Variants in MRPL1 observed in about 807,000 individuals in gnomAD.
MRPL1 encodes large ribosomal subunit protein uL1m.
In MRPL1, 28 loss-of-function variants were observed where a neutral mutation model predicts 38.0. The observed-to-expected ratio is 0.74, with a 90% CI of 0.55 to 1.01. The LOEUF is 1.01. Among genes scored for constraint, MRPL1 ranks in the 50% least tolerant of loss-of-function variants. MRPL1 has a pLI of 0.00. For missense variants in MRPL1, 358 were observed against 389.8 expected, an observed-to-expected ratio of 0.92 and a Z score of 0.69; for synonymous variants, 123 against 126.7, an observed-to-expected ratio of 0.97 and a Z score of 0.20.
chr4:77,948,774 T>G (rs577541176), intron 7 of MRPL1, among the ~76,000 whole-genome samples: 1 of 150,044 alleles, frequency 6.7e-6, no homozygotes, highest in Non-Finnish European at 1.5e-5. Flanking sequence ...TCTTCTTCTT[T>G]TTTTTTTTTT....
intron 7 of MRPL1, among the ~76,000 whole-genome samples, chr4:77,937,988 TA>T (rs961820933): frequency 5.9e-5 from 9 of 152,092 alleles, no homozygotes; most frequent in Admixed American, 5.9e-4. Flanking sequence ...AAGCTTTCTT[TA>T]AAAAAACAAA....
chr4:77,871,980 C>A, intron 2 of MRPL1, 125 bp downstream of exon 2: 1 of 660,930 alleles, frequency 1.5e-6, no homozygotes, highest in Non-Finnish European at 2.6e-6. Context: ...TCTGCTTCAT[C>A]GACCTTATAG....
chr4:77,945,474 G>A (rs1215299511), intron 7 of MRPL1, among the ~76,000 whole-genome samples: 1 of 151,374 alleles, frequency 6.6e-6, no homozygotes, highest in Non-Finnish European at 1.5e-5. Context: ...AGGAACATGT[G>A]ATTGTTTAAA....
chr4:77,933,656 A>G (rs1034682681), intron 7 of MRPL1, among the ~76,000 whole-genome samples: 1 of 152,234 alleles, frequency 6.6e-6, no homozygotes, highest in Non-Finnish European at 1.5e-5. Context: ...CAAAAGATCT[A>G]ACTTTCACAT....
At chr4:77,923,851 T>C (rs970718795) in intron 7 of MRPL1, among the ~76,000 whole-genome samples, 1 of 152,028 alleles carries the variant, frequency 6.6e-6, no homozygotes, top group Non-Finnish European at 1.5e-5. Context: ...GCAGGAGAAC[T>C]GCTTGAACCT....
chr4:77,883,646 C>G, intron 3 of MRPL1, 146 bp downstream of exon 3: 1 of 740,384 alleles, frequency 1.4e-6, no homozygotes, highest in Non-Finnish European at 2.0e-6. Context: ...GGTATGATCT[C>G]AGCTCACTGC....
At chr4:77,952,170 C>T (rs536153347) in intron 8 of MRPL1, among the ~76,000 whole-genome samples, 1 of 152,136 alleles carries the variant, frequency 6.6e-6, no homozygotes, top group African/African-American at 2.4e-5. Flanking sequence ...CTCTGATTCA[C>T]CCACAGTTGG....
At chr4:77,929,242 T>C (rs1014071478) in intron 7 of MRPL1, among the ~76,000 whole-genome samples, 2 of 151,996 alleles carry the variant, frequency 1.3e-5, no homozygotes, top group African/African-American at 2.4e-5. Flanking sequence ...CTGGGCAACA[T>C]AGCAAGATCC....
chr4:77,871,698 A>G, intron 1 of MRPL1, 46 bp from the exon 2 acceptor site: 14 of 861,550 alleles, frequency 1.6e-5, no homozygotes, highest in Non-Finnish European at 2.5e-5. Context: ...AATTATGAAT[A>G]TAATGATTAT....
At chr4:77,895,442 T>C (rs1368575754) in intron 6 of MRPL1, among the ~76,000 whole-genome samples, 1 of 152,066 alleles carries the variant, frequency 6.6e-6, no homozygotes, top group African/African-American at 2.4e-5. Context: ...TTATCATTAA[T>C]GGAAACAGGG....
intron 7 of MRPL1, among the ~76,000 whole-genome samples, chr4:77,918,003 C>T (rs1009327730): frequency 6.7e-6 from 1 of 148,562 alleles, no homozygotes; most frequent in African/African-American, 2.5e-5. Flanking sequence ...TGCAGTGAGC[C>T]GAGATGCGCC....
intron 7 of MRPL1, among the ~76,000 whole-genome samples, chr4:77,915,125 T>C (rs1043090094): frequency 6.6e-6 from 1 of 152,198 alleles, no homozygotes; most frequent in Admixed American, 6.5e-5. Context: ...AGACTCTCAC[T>C]GTAGTTAAAT....
At chr4:77,913,954 G>T (rs911980917) in intron 7 of MRPL1, among the ~76,000 whole-genome samples, 1 of 152,206 alleles carries the variant, frequency 6.6e-6, no homozygotes, top group South Asian at 2.1e-4. Flanking sequence ...TTGCCTTGGG[G>T]TCAGAGGTGG....
At chr4:77,905,496 C>CAAAAA (rs374398968) in intron 6 of MRPL1, among the ~76,000 whole-genome samples, 19 of 63,342 alleles carry the variant, frequency 3.0e-4, no homozygotes, top group Non-Finnish European at 4.7e-4. Context: ...GACTCCGTCT[C>CAAAAA]AAAAAAAAAA....
chr4:77,882,393 C>T (rs1735562938), intron 2 of MRPL1, among the ~76,000 whole-genome samples: 1 of 152,152 alleles, frequency 6.6e-6, no homozygotes, highest in African/African-American at 2.4e-5. Context: ...TTAGTATACT[C>T]ACAGTTGTGC....
chr4:77,880,538 G>T (rs943739487), intron 2 of MRPL1, among the ~76,000 whole-genome samples: 2 of 144,626 alleles, frequency 1.4e-5, no homozygotes, highest in African/African-American at 5.2e-5. Context: ...ATATTCACAA[G>T]ATTTGGGAAT....
chr4:77,921,584 G>A (rs1255324019), intron 7 of MRPL1, among the ~76,000 whole-genome samples: 1 of 152,026 alleles, frequency 6.6e-6, no homozygotes, highest in African/African-American at 2.4e-5. Flanking sequence ...TGTTAGAAAA[G>A]GCTAAAATAT....
At chr4:77,909,990 T>C (rs1395800504) in intron 7 of MRPL1, among the ~76,000 whole-genome samples, 2 of 152,222 alleles carry the variant, frequency 1.3e-5, no homozygotes, top group Non-Finnish European at 2.9e-5. Context: ...CCAACATATG[T>C]AATTTTTTTC....
chr4:77,882,406 C>A (rs1421625584), intron 2 of MRPL1, among the ~76,000 whole-genome samples: 1 of 152,172 alleles, frequency 6.6e-6, no homozygotes. Flanking sequence ...AGTTGTGCAG[C>A]CATCACTGTA....
Sources: gnomAD v4.1 joint callset for allele counts (sites outside exome capture counted in the v4.1 genomes callset) on GRCh38, gnomAD v4.1.1 for gene constraint, MANE v1.5 for transcripts, NCBI Gene and HGNC (gene_info 2026-07-23, HGNC 2026-07-21) for gene names.